Variants in TXNRD1 observed in about 807,000 individuals in gnomAD.
TXNRD1 encodes thioredoxin reductase 1, also known as thioredoxin reductase 1, cytoplasmic.
TXNRD1 carries 57 observed loss-of-function variants against 80.3 expected under a neutral mutation model. That is an observed-to-expected ratio of 0.71 (90% confidence interval 0.57 to 0.89). TXNRD1 has a LOEUF of 0.89. TXNRD1 is among the 40% of genes least tolerant of loss of function. The pLI is 0.00. For missense variants in TXNRD1, 730 were observed against 803.0 expected, an observed-to-expected ratio of 0.91 and a Z score of 1.10; for synonymous variants, 291 against 285.2, an observed-to-expected ratio of 1.02 and a Z score of -0.20.
At chr12:104,293,612 A>G (rs376099033) in intron 4 of TXNRD1, among the ~76,000 whole-genome samples, 22 of 152,106 alleles carry the variant, frequency 1.4e-4, no homozygotes, top group African/African-American at 4.6e-4. Flanking sequence ...CACCTCACCC[A>G]GCTTATTTTT....
At chr12:104,332,200 G>T (rs2035975868) in intron 14 of TXNRD1, among the ~76,000 whole-genome samples, 1 of 152,074 alleles carries the variant, frequency 6.6e-6, no homozygotes, top group Non-Finnish European at 1.5e-5. Flanking sequence ...TGGAGTCAAA[G>T]AAAATGCACA....
intron 1 of TXNRD1, among the ~76,000 whole-genome samples, chr12:104,225,081 A>G (rs2032442925): frequency 6.6e-6 from 1 of 152,204 alleles, no homozygotes; most frequent in South Asian, 2.1e-4. Context: ...ACCATCTTCC[A>G]TATGTTAGGC....
intron 3 of TXNRD1, among the ~76,000 whole-genome samples, chr12:104,277,879 CTT>C (rs140314717): frequency 4.9e-5 from 7 of 141,802 alleles, no homozygotes; most frequent in Admixed American, 7.1e-5. Flanking sequence ...TGGCAAGATT[CTT>C]TTTTTTTTTT....
intron 4 of TXNRD1, among the ~76,000 whole-genome samples, chr12:104,307,853 G>T (rs1043715940): frequency 6.6e-6 from 1 of 152,198 alleles, no homozygotes; most frequent in East Asian, 1.9e-4. Flanking sequence ...GCTATCTAAT[G>T]TGTAAGCCTT....
intron 3 of TXNRD1, among the ~76,000 whole-genome samples, chr12:104,274,015 G>A (rs549043525): frequency 2.0e-5 from 3 of 152,242 alleles, no homozygotes; most frequent in South Asian, 2.1e-4. Flanking sequence ...TAGTGACACT[G>A]CACTCCAGCC....
At chr12:104,341,598 T>G (rs2036325646) in intron 16 of TXNRD1, among the ~76,000 whole-genome samples, 1 of 152,086 alleles carries the variant, frequency 6.6e-6, no homozygotes, top group Non-Finnish European at 1.5e-5. Context: ...ACCCCAGATT[T>G]GTGGGGGTTT....
At chr12:104,334,427 G>T (rs550957990) in intron 15 of TXNRD1, 95 bp downstream of exon 15, 3 of 653,586 alleles carry the variant, frequency 4.6e-6, no homozygotes, top group South Asian at 6.3e-5. Flanking sequence ...CTGTTGCCCA[G>T]GCTGGAGTGC....
At chr12:104,285,455 T>C (rs2033950749) in intron 3 of TXNRD1, among the ~76,000 whole-genome samples, 3 of 152,218 alleles carry the variant, frequency 2.0e-5, no homozygotes, top group Admixed American at 6.5e-5. Flanking sequence ...AGGAACAATG[T>C]GAAGTTAAAA....
rs1393995715 is a variant in TXNRD1 at position 104,291,546 on chromosome 12, C to T, written c.414+2506C>T. On this transcript the variant is annotated intron_variant, in intron 4 of 16. Transcript: ENST00000525566. ...TTGCCCAGGCTGGAGTTCAGTGGCG[C>T]GATCTTGGCTCACTGCAACCTCTGC... is the stretch of plus-strand genomic sequence containing the variant. Among the ~76,000 whole-genome samples the T allele has an allele frequency of 2.5e-4, 30 of 120,862 alleles. 1 individual carries two copies. Among genetic ancestry groups the T allele is most frequent in the South Asian group, 1.7e-3 (6 of 3,538 alleles). The allele number at this position is 120,862 out of a possible 152,430, so 79.3% of individuals were successfully genotyped here. A position where few individuals can be genotyped will look rare whatever the true frequency, so the allele number is the denominator to read the frequency against.
intron 3 of TXNRD1, among the ~76,000 whole-genome samples, chr12:104,274,413 C>A (rs573783204): frequency 2.0e-3 from 308 of 152,072 alleles, no homozygotes; most frequent in African/African-American, 7.1e-3. Context: ...TAATAATAAG[C>A]TGCCGGGCAC....
At chr12:104,267,430 A>G (rs1402727521) in intron 3 of TXNRD1, among the ~76,000 whole-genome samples, 3 of 151,630 alleles carry the variant, frequency 2.0e-5, no homozygotes, top group Non-Finnish European at 2.9e-5. Context: ...GGTATGTGCC[A>G]CCATACCCAG....
chr12:104,321,552 GTTTTC>G (rs1185421488), intron 10 of TXNRD1, among the ~76,000 whole-genome samples: 1 of 151,940 alleles, frequency 6.6e-6, no homozygotes, highest in Non-Finnish European at 1.5e-5. Context: ...CTAAATTTTG[GTTTTC>G]TTCTCTTCTG....
intron 1 of TXNRD1, among the ~76,000 whole-genome samples, chr12:104,235,514 G>T (rs1244806033): frequency 6.6e-6 from 1 of 152,054 alleles, no homozygotes; most frequent in Non-Finnish European, 1.5e-5. Context: ...ACATCAAGAG[G>T]GTAAAAAGGT....
chr12:104,298,988 A>G (rs2034523409), intron 4 of TXNRD1, among the ~76,000 whole-genome samples: 1 of 152,224 alleles, frequency 6.6e-6, no homozygotes, highest in African/African-American at 2.4e-5. Flanking sequence ...GTGTATACCC[A>G]AATTCATACA....
At chr12:104,252,715 T>C (rs2033154464) in intron 2 of TXNRD1, among the ~76,000 whole-genome samples, 1 of 111,342 alleles carries the variant, frequency 9.0e-6, no homozygotes, top group South Asian at 3.1e-4. Context: ...TTTTTTTTTT[T>C]TTTTTGAGAC....
At chr12:104,317,571 G>T (rs1203867031) in intron 7 of TXNRD1, among the ~76,000 whole-genome samples, 4 of 152,152 alleles carry the variant, frequency 2.6e-5, no homozygotes, top group Non-Finnish European at 5.9e-5. Context: ...TAGCCAGCCA[G>T]GATCATGCCT....
At chr12:104,243,182 A>G (rs1333401923) in intron 1 of TXNRD1, among the ~76,000 whole-genome samples, 2 of 152,218 alleles carry the variant, frequency 1.3e-5, no homozygotes, top group African/African-American at 2.4e-5. Context: ...TCAATTTGGT[A>G]AATAAATAAT....
intron 16 of TXNRD1, among the ~76,000 whole-genome samples, chr12:104,339,917 C>T (rs887702480): frequency 9.2e-5 from 14 of 152,324 alleles, no homozygotes; most frequent in African/African-American, 3.4e-4. Context: ...TAGCCAGTGG[C>T]TTCCAAGGTG....
At chr12:104,266,440 C>A (rs945042207) in intron 3 of TXNRD1, among the ~76,000 whole-genome samples, 12 of 148,658 alleles carry the variant, frequency 8.1e-5, no homozygotes, top group African/African-American at 2.5e-4. Context: ...GTAGGAGAAT[C>A]GCTTGAACCC....
Sources: allele counts gnomAD v4.1 joint callset (sites outside exome capture counted in the v4.1 genomes callset), GRCh38; gene constraint gnomAD v4.1.1; transcripts MANE v1.5; gene names NCBI Gene and HGNC (gene_info 2026-07-23, HGNC 2026-07-21).